The following FRMD4B variants were observed in gnomAD, a reference collection of about 807,000 sequenced individuals.
FRMD4B encodes the protein FERM domain-containing protein 4B.
In FRMD4B, 74 loss-of-function variants were observed where a neutral mutation model predicts 141.5. The observed-to-expected ratio is 0.52, with a 90% CI of 0.43 to 0.63. The LOEUF is 0.63. FRMD4B is among the 30% of genes least tolerant of loss of function. The pLI, the probability that FRMD4B is intolerant of heterozygous loss-of-function variation, is 0.00. For missense variants in FRMD4B, 1,366 were observed against 1,253.4 expected, an observed-to-expected ratio of 1.09 and a Z score of -1.36; for synonymous variants, 506 against 467.9, an observed-to-expected ratio of 1.08 and a Z score of -1.05.
intron 1 of FRMD4B, chr3:69,541,074 G>C (rs563439610): frequency 2.6e-5 from 4 of 152,136 alleles, no homozygotes; most frequent in Non-Finnish European, 4.4e-5. Flanking sequence ...CCTTTAGGAC[G>C]GGAAACAGCA....
At chr3:69,478,776 CGTT>C (rs1409711915) in intron 1 of FRMD4B, among the ~76,000 whole-genome samples, 1 of 152,016 alleles carries the variant, frequency 6.6e-6, no homozygotes, top group Admixed American at 6.6e-5. Flanking sequence ...CTTTCTGTCT[CGTT>C]GATCTGTCTA....
rs1442612397 is a variant in FRMD4B, at chr3:69,525,724, T to A, written c.-129+16482A>T. Among the ~76,000 whole-genome samples, 9 of 152,048 alleles carry A rather than the reference T, an allele frequency of 5.9e-5. No homozygotes were observed. The East Asian group carries it at 1.7e-3, about 29-fold the overall frequency. Reference sequence around the variant, plus strand: ...TGGAGTGCAGTGGCACAATCACGGCTCACTGCAGCCTCAACCTCCCTGGGC... The same window carrying A: ...TGGAGTGCAGTGGCACAATCACGGCACACTGCAGCCTCAACCTCCCTGGGC... On this transcript the variant is annotated intron_variant, in intron 1 of 5. Coordinates refer to the FRMD4B transcript ENST00000459638.
At chr3:69,219,619 T>C (rs2093174790) in intron 9 of FRMD4B, among the ~76,000 whole-genome samples, 1 of 152,130 alleles carries the variant, frequency 6.6e-6, no homozygotes, top group African/African-American at 2.4e-5. Context: ...CTTTTTTTTT[T>C]TTAATTGTTT....
chr3:69,484,427 C>T (rs985401954), intron 1 of FRMD4B, among the ~76,000 whole-genome samples: 3 of 152,060 alleles, frequency 2.0e-5, no homozygotes, highest in Admixed American at 6.5e-5. Flanking sequence ...ACCTCTGTGG[C>T]CTTTGCTCGA....
intron 3 of FRMD4B, among the ~76,000 whole-genome samples, chr3:69,305,616 T>C (rs1701365945): frequency 6.6e-6 from 1 of 152,128 alleles, no homozygotes; most frequent in Non-Finnish European, 1.5e-5. Flanking sequence ...AGGCTAGACA[T>C]GGTGGCTCAC....
chr3:69,435,224 C>T (rs1705242495), intron 1 of FRMD4B, among the ~76,000 whole-genome samples: 1 of 152,140 alleles, frequency 6.6e-6, no homozygotes, highest in African/African-American at 2.4e-5. Context: ...AGTTCTGGTA[C>T]CGCAGAGATG....
chr3:69,203,066 C>T lies in FRMD4B; in HGVS notation c.877-4292G>A, dbSNP rs150868509. Among the ~76,000 whole-genome samples the T allele has an allele frequency of 1.0e-3, 157 of 150,882 alleles. No individual in the cohort carries two copies. In the East Asian group the frequency reaches 0.02, roughly 19 times the overall value. ...AAATATTGTCATCACAAGAAATTCC[C>T]TTAACCCTAAGATGAAGTAAAAAAA... On this transcript the variant is annotated intron_variant, in intron 11 of 22. Coordinates refer to ENST00000398540, the MANE Select transcript of FRMD4B (RefSeq NM_015123.3).
intron 1 of FRMD4B, among the ~76,000 whole-genome samples, chr3:69,360,379 CCTAAATA>C (rs1703438354): frequency 6.6e-6 from 1 of 151,952 alleles, no homozygotes; most frequent in Non-Finnish European, 1.5e-5. Context: ...TAAACATAAC[CCTAAATA>C]CTTAAAAAAG....
intron 2 of FRMD4B, among the ~76,000 whole-genome samples, chr3:69,396,946 A>G (rs1414567982): frequency 6.6e-6 from 1 of 152,212 alleles, no homozygotes; most frequent in African/African-American, 2.4e-5. Context: ...TCAGCTGATA[A>G]ACAGATTTTT....
At chr3:69,240,366 A>C (rs1189854780) in intron 7 of FRMD4B, among the ~76,000 whole-genome samples, 2 of 150,816 alleles carry the variant, frequency 1.3e-5, no homozygotes, top group African/African-American at 4.9e-5. Context: ...CTGTAGTCCC[A>C]GCTACTTGGG....
intron 1 of FRMD4B, among the ~76,000 whole-genome samples, chr3:69,320,676 C>T (rs1193676378): frequency 2.0e-5 from 3 of 152,162 alleles, no homozygotes; most frequent in African/African-American, 4.8e-5. Flanking sequence ...CCCCCAGAGA[C>T]CATCAGAATA....
At chr3:69,269,477 T>A (rs2093584378) in intron 5 of FRMD4B, among the ~76,000 whole-genome samples, 1 of 149,844 alleles carries the variant, frequency 6.7e-6, no homozygotes, top group African/African-American at 2.5e-5. Flanking sequence ...GAGCTGAGAT[T>A]TAAAGCTGGA....
intron 2 of FRMD4B, among the ~76,000 whole-genome samples, chr3:69,405,337 C>T (rs11719528): frequency 0.3 from 45,529 of 152,158 alleles, 7,785 homozygotes; most frequent in Admixed American, 0.4. Context: ...GAGAGCTCTT[C>T]GCTGCTAGCT....
chr3:69,252,912 GAT>G (rs1469634667), intron 5 of FRMD4B, among the ~76,000 whole-genome samples: 1 of 152,156 alleles, frequency 6.6e-6, no homozygotes, highest in Non-Finnish European at 1.5e-5. Context: ...TGAGTCAGAT[GAT>G]GTGGCTGAAT....
chr3:69,353,386 C>A (rs553545710), intron 1 of FRMD4B, among the ~76,000 whole-genome samples: 1 of 152,310 alleles, frequency 6.6e-6, no homozygotes, highest in South Asian at 2.1e-4. Flanking sequence ...ATTTCCTTTT[C>A]TGCAAGTTGG....
intron 7 of FRMD4B, among the ~76,000 whole-genome samples, chr3:69,241,767 T>A (rs2093385782): frequency 6.6e-6 from 1 of 151,968 alleles, no homozygotes; most frequent in Non-Finnish European, 1.5e-5. Context: ...GCATGGTGGC[T>A]AATTTCAAGA....
At chr3:69,480,371 T>A (rs762700351) in intron 1 of FRMD4B, among the ~76,000 whole-genome samples, 7 of 152,072 alleles carry the variant, frequency 4.6e-5, no homozygotes, top group Non-Finnish European at 7.4e-5. Context: ...ATGGTGATGT[T>A]CAGATGGGTT....
intron 21 of FRMD4B, among the ~76,000 whole-genome samples, chr3:69,180,567 C>G (rs1350561675): frequency 6.6e-6 from 1 of 151,980 alleles, no homozygotes; most frequent in African/African-American, 2.4e-5. Context: ...CACATCCCAG[C>G]CTAGGCGACA....
At chr3:69,264,851 T>G (rs1575671322) in intron 5 of FRMD4B, among the ~76,000 whole-genome samples, 1 of 152,264 alleles carries the variant, frequency 6.6e-6, no homozygotes, top group African/African-American at 2.4e-5. Flanking sequence ...CCAAAGTATC[T>G]GGGCAGACCG....
Sources: gnomAD v4.1 joint callset for allele counts (sites outside exome capture counted in the v4.1 genomes callset) on GRCh38, gnomAD v4.1.1 for gene constraint, MANE v1.5 for transcripts, NCBI Gene and HGNC (gene_info 2026-07-23, HGNC 2026-07-21) for gene names.